Variants in LSM14A observed in about 807,000 individuals in gnomAD.
The protein encoded by LSM14A is LSM14A mRNA processing body assembly factor.
LSM14A carries 14 observed loss-of-function variants against 52.4 expected under a neutral mutation model. The ratio of observed to expected loss-of-function variants is 0.27; its 90% CI spans 0.18 to 0.42. The LOEUF is 0.42. Ranked by LOEUF, LSM14A falls within the 10% of genes least tolerant of loss-of-function variation. The pLI is 1.00. For synonymous variants in LSM14A, 185 were observed against 200.3 expected (o/e 0.92, Z 0.64); for missense variants, 417 against 581.8 (o/e 0.72, Z 2.91).
At chr19:34,179,339 G>A (rs887827094) in intron 1 of LSM14A, among the ~76,000 whole-genome samples, 2 of 152,194 alleles carry the variant, frequency 1.3e-5, no homozygotes, top group African/African-American at 4.8e-5. Flanking sequence ...GGAGAGAGTG[G>A]AAGAGCTTTG....
intron 9 of LSM14A, chr19:34,226,587 T>A: frequency 1.2e-6 from 1 of 825,972 alleles, no homozygotes; most frequent in Non-Finnish European, 1.8e-6. Flanking sequence ...AATAACGGGG[T>A]GCAAATGTTT....
chr19:34,197,242 C>T (rs2070911956), intron 3 of LSM14A, among the ~76,000 whole-genome samples: 1 of 151,886 alleles, frequency 6.6e-6, no homozygotes, highest in African/African-American at 2.4e-5. Context: ...CGATATGCAT[C>T]ACCACACCCA....
chr19:34,202,828 G>A (rs977602546), intron 3 of LSM14A, among the ~76,000 whole-genome samples: 1 of 151,922 alleles, frequency 6.6e-6, no homozygotes. Context: ...GTAATTTTTT[G>A]TATTTTTTTT....
chr19:34,208,996 G>T lies in LSM14A; in HGVS notation c.483G>T (p.Ala161=), dbSNP rs773011768. ...SNSGTLPQSS[A]VGSAFTQDTR... ...GTGGTACCTTACCCCAAAGTAGTGC[G>T]GTTGGTTCTGCCTTTACACAGGATA... Residue 161 remains alanine, a synonymous_variant, in exon 4 of 10, where the codon GCG becomes GCT. Transcript: ENST00000544216. 17 of 1,611,268 alleles carry T rather than the reference G, an allele frequency of 1.1e-5. No individual in the cohort carries two copies. The highest frequency in any genetic ancestry group is 1.4e-5 in the Non-Finnish European group (17 of 1,178,084).
intron 4 of LSM14A, among the ~76,000 whole-genome samples, chr19:34,211,134 C>A (rs2072114543): frequency 6.6e-6 from 1 of 151,392 alleles, no homozygotes; most frequent in African/African-American, 2.4e-5. Context: ...TGGTGAAACC[C>A]CATCTCTACT....
chr19:34,186,315 T>C (rs2069904700), intron 1 of LSM14A, among the ~76,000 whole-genome samples: 1 of 152,240 alleles, frequency 6.6e-6, no homozygotes, highest in Non-Finnish European at 1.5e-5. Context: ...TGCCTAGATA[T>C]TTGATCAAAT....
At chr19:34,190,443 A>C (rs1441528769) in intron 1 of LSM14A, among the ~76,000 whole-genome samples, 1 of 152,006 alleles carries the variant, frequency 6.6e-6, no homozygotes, top group African/African-American at 2.4e-5. Flanking sequence ...CTTAGTTTTA[A>C]ATTCTACTAT....
At chr19:34,209,844 C>CTT (rs34313988) in intron 4 of LSM14A, among the ~76,000 whole-genome samples, 19,617 of 140,264 alleles carry the variant, frequency 0.14, 1,621 homozygotes, top group Middle Eastern at 0.25. Flanking sequence ...TTGGGCCTGG[C>CTT]TTTTTTTTTT....
intron 6 of LSM14A, among the ~76,000 whole-genome samples, chr19:34,217,523 A>C (rs4401147): frequency 6.7e-6 from 1 of 148,330 alleles, no homozygotes; most frequent in East Asian, 2.0e-4. Context: ...ATGATCTTTC[A>C]CTTAATTTTA....
chr19:34,210,912 G>A (rs2072095038), intron 4 of LSM14A, among the ~76,000 whole-genome samples: 1 of 152,054 alleles, frequency 6.6e-6, no homozygotes, highest in African/African-American at 2.4e-5. Flanking sequence ...ACATGAAAAA[G>A]AAGCATAAAT....
At chr19:34,178,081 A>C (rs1294564329) in intron 1 of LSM14A, among the ~76,000 whole-genome samples, 1 of 152,074 alleles carries the variant, frequency 6.6e-6, no homozygotes, top group African/African-American at 2.4e-5. Context: ...GAATTGCTTG[A>C]ACCTGAAAGG....
chr19:34,209,704 C>G (rs2071991414), intron 4 of LSM14A, among the ~76,000 whole-genome samples: 1 of 151,880 alleles, frequency 6.6e-6, no homozygotes, highest in African/African-American at 2.4e-5. Flanking sequence ...CTTTTTCTTT[C>G]TTTTATTTAC....
In LSM14A at chr19:34,172,507, G is replaced by C; in HGVS notation, c.-136G>C. On this transcript the variant is annotated 5_prime_UTR_variant, in exon 1 of 10. Coordinates refer to ENST00000544216, the MANE Select transcript of LSM14A (RefSeq NM_015578.4). ...GGGCGGGAGGCTGGGGGAGGGTAGC[G>C]GAGCCGGCGCCGCCGCCATGTTGGG... 9.8e-7 allele frequency: 1 copy of C among 1,025,432 alleles called. No homozygotes were observed. Among genetic ancestry groups the C allele is most frequent in the Non-Finnish European group, 1.3e-6 (1 of 797,378 alleles). 63.5% of individuals were successfully genotyped at this position (1,025,432 alleles called of 1,614,324 possible). A position where few individuals can be genotyped will look rare whatever the true frequency, so the allele number is the denominator to read the frequency against.
chr19:34,201,685 G>T (rs1174123161), intron 3 of LSM14A, among the ~76,000 whole-genome samples: 1 of 152,084 alleles, frequency 6.6e-6, no homozygotes, highest in African/African-American at 2.4e-5. Context: ...TTTTAAGCTA[G>T]GCCTCTTTTC....
chr19:34,226,608 T>G, intron 9 of LSM14A: 1 of 671,710 alleles, frequency 1.5e-6, no homozygotes. Flanking sequence ...TGGTGTTGTA[T>G]ACACAGATGA....
intron 1 of LSM14A, among the ~76,000 whole-genome samples, chr19:34,186,001 C>G (rs1599667117): frequency 2.0e-5 from 3 of 152,292 alleles, no homozygotes; most frequent in Admixed American, 2.0e-4. Context: ...TAATTTAATT[C>G]AGTTCCCTTG....
chr19:34,195,184 T>C (rs2070745536), intron 2 of LSM14A: 1 of 145,908 alleles, frequency 6.9e-6, no homozygotes, highest in Non-Finnish European at 1.5e-5. Context: ...GGTTTTTGTT[T>C]TGTTTTTCTT....
chr19:34,201,838 T>C (rs1304594437), intron 3 of LSM14A, among the ~76,000 whole-genome samples: 1 of 152,212 alleles, frequency 6.6e-6, no homozygotes, highest in East Asian at 1.9e-4. Flanking sequence ...TATTTATTTT[T>C]TGAGACAGGG....
chr19:34,207,000 G>A (rs2071748852), intron 3 of LSM14A, among the ~76,000 whole-genome samples: 1 of 152,136 alleles, frequency 6.6e-6, no homozygotes, highest in South Asian at 2.1e-4. Flanking sequence ...TTAAAACAGA[G>A]TACCAAGACA....
Sources: allele counts gnomAD v4.1 joint callset (sites outside exome capture counted in the v4.1 genomes callset), GRCh38; gene constraint gnomAD v4.1.1; transcripts MANE v1.5; gene names NCBI Gene and HGNC (gene_info 2026-07-23, HGNC 2026-07-21).